NBAS: variants seen among roughly 807,000 people sequenced by gnomAD.
NBAS encodes NBAS subunit of NRZ tethering complex.
NBAS carries 219 observed loss-of-function variants against 302.5 expected under a neutral mutation model. The observed-to-expected ratio is 0.72, with a 90% CI of 0.65 to 0.81. The LOEUF (loss-of-function observed/expected upper bound fraction) is 0.81. NBAS is among the 30% of genes least tolerant of loss of function. NBAS has a pLI of 0.00. For missense variants in NBAS, 2,932 were observed against 2,841.6 expected (o/e 1.03, Z -0.72); for synonymous variants, 1,118 against 1,021.6 (o/e 1.09, Z -1.80).
chr2:14,959,418 C>A, the NBAS span, among the ~76,000 whole-genome samples: 10 of 152,218 alleles, frequency 6.6e-5, no homozygotes, highest in African/African-American at 2.4e-4. Flanking sequence ...CATTGCCCAA[C>A]TGCTTCATAT....
chr2:15,326,604 T>C (rs1252575221), intron 38 of NBAS, among the ~76,000 whole-genome samples: 1 of 152,118 alleles, frequency 6.6e-6, no homozygotes, highest in Admixed American at 6.5e-5. Flanking sequence ...ACTATACTTT[T>C]CATATATATT....
chr2:15,224,546 C>T (rs1168793932), intron 47 of NBAS, among the ~76,000 whole-genome samples: 1 of 152,068 alleles, frequency 6.6e-6, no homozygotes, highest in South Asian at 2.1e-4. Flanking sequence ...ATAGTAGATG[C>T]CAATGTTTCA....
chr2:14,798,284 T>G, the NBAS span, among the ~76,000 whole-genome samples: 1 of 152,340 alleles, frequency 6.6e-6, no homozygotes, highest in Non-Finnish European at 1.5e-5. Context: ...AATTTTCAGA[T>G]ACCTTTTTGA....
chr2:14,862,327 C>T, the NBAS span, among the ~76,000 whole-genome samples: 1 of 152,226 alleles, frequency 6.6e-6, no homozygotes, highest in African/African-American at 2.4e-5. Flanking sequence ...CCATATTGGT[C>T]AGGCTGATCT....
At chr2:15,402,694 G>A (rs1473502525) in intron 25 of NBAS, among the ~76,000 whole-genome samples, 1 of 152,178 alleles carries the variant, frequency 6.6e-6, no homozygotes, top group Non-Finnish European at 1.5e-5. Context: ...ATTCAAAGAT[G>A]TTACAACCTA....
the NBAS span, among the ~76,000 whole-genome samples, chr2:15,132,762 TAA>T: frequency 2.6e-5 from 4 of 152,048 alleles, 1 homozygote; most frequent in South Asian, 8.3e-4. Context: ...AGTCTATTTT[TAA>T]AAGTCAGCAA....
Position 15,232,519 on chromosome 2 carries a change from AAG to A in NBAS, c.6147-10_6147-9del. 1.2e-6 allele frequency: 2 copies of A among 1,611,498 alleles called. No homozygotes were observed. The highest frequency in any genetic ancestry group is 1.7e-6 in the Non-Finnish European group (2 of 1,178,406). The stretch of plus-strand genomic sequence containing the variant: ...AGGTCAGCACTGCCACCACTGTGAA[AAG>A]AGAGATAAACTGATTCAGAAAAGGA... On this transcript the variant is annotated splice_polypyrimidine_tract_variant and intron_variant, in intron 46 of 51. Transcript: ENST00000281513.
rs1163447427 is a variant in NBAS at position 15,309,073 on chromosome 2, G to C, written c.4659+98C>G. ...AATAAAAGAAAAAAAAGAAACAGGA[G>C]GAAATGGCATGCAATAAACAATTTT... On this transcript the variant is annotated intron_variant, in intron 39 of 51. Transcript: ENST00000281513. 5.8e-6 allele frequency: 4 copies of C among 694,566 alleles called. No individual in the cohort carries two copies. The East Asian group carries it at 1.4e-4, about 24-fold the overall frequency. The allele number at this position is 694,566 out of a possible 1,614,324, so 43.0% of individuals were successfully genotyped here.
chr2:15,285,806 C>T (rs1443935980), intron 42 of NBAS, among the ~76,000 whole-genome samples: 1 of 152,146 alleles, frequency 6.6e-6, no homozygotes, highest in Non-Finnish European at 1.5e-5. Flanking sequence ...CGGTGCCTGC[C>T]ACCATACTCA....
chr2:15,099,532 T>A, the NBAS span, among the ~76,000 whole-genome samples: 1 of 151,994 alleles, frequency 6.6e-6, no homozygotes. Flanking sequence ...AATCCTATGA[T>A]GCCAAGAGAG....
intron 11 of NBAS, among the ~76,000 whole-genome samples, chr2:15,501,593 T>C (rs2148631778): frequency 6.8e-6 from 1 of 147,402 alleles, no homozygotes; most frequent in Non-Finnish European, 1.5e-5. Flanking sequence ...TATTTTTTTT[T>C]TTTTTTTTTT....
At chr2:15,034,826 G>C in the NBAS span, among the ~76,000 whole-genome samples, 1 of 151,984 alleles carries the variant, frequency 6.6e-6, no homozygotes, top group South Asian at 2.1e-4. Context: ...CCTTCCTCAG[G>C]GGAAAATGCT....
chr2:15,244,203 C>T (rs1240071355), intron 44 of NBAS, among the ~76,000 whole-genome samples: 1 of 152,198 alleles, frequency 6.6e-6, no homozygotes, highest in Non-Finnish European at 1.5e-5. Flanking sequence ...AAGAACCTGA[C>T]TGAATTTCTG....
chr2:14,839,335 A>G, the NBAS span, among the ~76,000 whole-genome samples: 1 of 152,062 alleles, frequency 6.6e-6, no homozygotes, highest in South Asian at 2.1e-4. Flanking sequence ...ATGTGAGAGC[A>G]AGTGGACAAC....
chr2:15,431,614 T>G (rs1677769459), intron 21 of NBAS, among the ~76,000 whole-genome samples: 1 of 152,138 alleles, frequency 6.6e-6, no homozygotes, highest in Non-Finnish European at 1.5e-5. Context: ...ATCTCATGGA[T>G]ATCACAAAAA....
At chr2:15,521,583 A>C (rs1173206207) in intron 9 of NBAS, among the ~76,000 whole-genome samples, 2 of 152,184 alleles carry the variant, frequency 1.3e-5, no homozygotes, top group Non-Finnish European at 2.9e-5. Flanking sequence ...TTCTCTCTTT[A>C]TATGCTTTGA....
chr2:15,021,262 C>T, the NBAS span, among the ~76,000 whole-genome samples: 12 of 151,366 alleles, frequency 7.9e-5, no homozygotes, highest in South Asian at 6.3e-4. Context: ...GTTGACCATA[C>T]GGAGATAAGT....
chr2:15,021,603 C>G, the NBAS span, among the ~76,000 whole-genome samples: 2,136 of 152,196 alleles, frequency 0.014, 58 homozygotes, highest in African/African-American at 0.049. Flanking sequence ...GGAGCTCATC[C>G]TAGAGCTAAG....
At chr2:15,368,643 C>A (rs1380994760) in intron 31 of NBAS, among the ~76,000 whole-genome samples, 1 of 152,306 alleles carries the variant, frequency 6.6e-6, no homozygotes, top group East Asian at 1.9e-4. Context: ...CTGAGTATAG[C>A]TTCTGTAGAC....
Sources: allele counts gnomAD v4.1 joint callset (sites outside exome capture counted in the v4.1 genomes callset), GRCh38; gene constraint gnomAD v4.1.1; transcripts MANE v1.5; gene names NCBI Gene and HGNC (gene_info 2026-07-23, HGNC 2026-07-21).